The following PTPRM variants were observed in gnomAD, a reference collection of about 807,000 sequenced individuals.
PTPRM encodes receptor-type tyrosine-protein phosphatase mu.
Under a neutral mutation model 186.7 loss-of-function variants are expected in PTPRM, and 47 were observed. That is an observed-to-expected ratio of 0.25 (90% CI 0.20 to 0.32). The LOEUF is 0.32. Ranked by LOEUF, PTPRM falls within the 10% of genes least tolerant of loss-of-function variation. The probability of loss-of-function intolerance (pLI) is 1.00; values close to 1 mark genes in which losing one functional copy is unlikely to be tolerated. For synonymous variants in PTPRM, 668 were observed against 674.9 expected, an observed-to-expected ratio of 0.99 and a Z score of 0.16; for missense variants, 1,494 against 1,865.0, an observed-to-expected ratio of 0.80 and a Z score of 3.66.
chr18:7,651,218 T>A (rs112223299), intron 1 of PTPRM, among the ~76,000 whole-genome samples: 97 of 152,240 alleles, frequency 6.4e-4, no homozygotes, highest in African/African-American at 2.3e-3. Flanking sequence ...CCACCGCGCC[T>A]GACCAAGATG....
chr18:8,123,250 G>A (rs1041630251), intron 13 of PTPRM, among the ~76,000 whole-genome samples: 1 of 152,214 alleles, frequency 6.6e-6, no homozygotes, highest in African/African-American at 2.4e-5. Context: ...GTCTAGGCCT[G>A]ATGAAAGCCA....
chr18:8,396,740 A>G (rs1192474182), intron 32 of PTPRM, among the ~76,000 whole-genome samples: 1 of 152,206 alleles, frequency 6.6e-6, no homozygotes, highest in Non-Finnish European at 1.5e-5. Flanking sequence ...GAAATGTAGG[A>G]AAGTTTTGCA....
intron 7 of PTPRM, among the ~76,000 whole-genome samples, chr18:8,069,281 A>G (rs911150618): frequency 1.3e-5 from 2 of 152,188 alleles, no homozygotes; most frequent in African/African-American, 4.8e-5. Context: ...CTCCTCCTTC[A>G]TCATTGCTTT....
chr18:8,222,092 A>C (rs2094159984), intron 14 of PTPRM, among the ~76,000 whole-genome samples: 1 of 152,214 alleles, frequency 6.6e-6, no homozygotes, highest in Non-Finnish European at 1.5e-5. Flanking sequence ...TTGCTCAGTT[A>C]AACTCCATTA....
At chr18:8,199,111 A>G (rs186103414) in intron 14 of PTPRM, among the ~76,000 whole-genome samples, 2 of 152,280 alleles carry the variant, frequency 1.3e-5, no homozygotes, top group Admixed American at 6.5e-5. Flanking sequence ...GATTTTCTTC[A>G]TAATAATAAC....
At chr18:7,842,719 G>T (rs943041425) in intron 2 of PTPRM, among the ~76,000 whole-genome samples, 3 of 151,238 alleles carry the variant, frequency 2.0e-5, no homozygotes, top group South Asian at 2.1e-4. Flanking sequence ...GCTTAATTTG[G>T]ACTTGCCAGC....
intron 22 of PTPRM, among the ~76,000 whole-genome samples, chr18:8,320,986 G>A (rs934977725): frequency 1.3e-5 from 2 of 152,180 alleles, no homozygotes; most frequent in Non-Finnish European, 2.9e-5. Flanking sequence ...GAACAAGGAT[G>A]CATGTCAGAG....
At chr18:8,243,165 G>A (rs1248330960) in intron 14 of PTPRM, among the ~76,000 whole-genome samples, 1 of 152,108 alleles carries the variant, frequency 6.6e-6, no homozygotes, top group South Asian at 2.1e-4. Flanking sequence ...TCTGGCTTTT[G>A]TACAGGTGTC....
intron 13 of PTPRM, among the ~76,000 whole-genome samples, chr18:8,133,021 G>T (rs549715900): frequency 6.6e-6 from 1 of 152,226 alleles, no homozygotes; most frequent in African/African-American, 2.4e-5. Flanking sequence ...GCATTTTGCT[G>T]GTATCTGGTA....
chr18:8,170,194 G>A (rs1224625251), intron 14 of PTPRM, among the ~76,000 whole-genome samples: 1 of 152,118 alleles, frequency 6.6e-6, no homozygotes, highest in African/African-American at 2.4e-5. Flanking sequence ...GACAATACAA[G>A]GACCACACGA....
intron 7 of PTPRM, among the ~76,000 whole-genome samples, chr18:7,973,298 TA>T (rs2054698136): frequency 6.6e-6 from 1 of 152,190 alleles, no homozygotes; most frequent in South Asian, 2.1e-4. Flanking sequence ...AAGACTTTAG[TA>T]GGTGCTGTCA....
At chr18:7,736,067 C>T (rs936825732) in intron 1 of PTPRM, among the ~76,000 whole-genome samples, 6 of 152,068 alleles carry the variant, frequency 3.9e-5, no homozygotes, top group Admixed American at 3.9e-4. Flanking sequence ...TCAGGACCTC[C>T]GAAGGCTGTG....
chr18:8,000,825 A>G (rs2083826507), intron 7 of PTPRM, among the ~76,000 whole-genome samples: 1 of 152,212 alleles, frequency 6.6e-6, no homozygotes, highest in Non-Finnish European at 1.5e-5. Context: ...TCAAGAAAGT[A>G]GCTTTTACAA....
intron 1 of PTPRM, among the ~76,000 whole-genome samples, chr18:7,576,715 T>C (rs1048444170): frequency 3.3e-5 from 5 of 152,208 alleles, no homozygotes; most frequent in Admixed American, 6.5e-5. Context: ...TGGGCTCAAG[T>C]AGTCTTCAGC....
At chr18:8,292,435 G>A (rs373422968) in intron 19 of PTPRM, among the ~76,000 whole-genome samples, 6 of 152,102 alleles carry the variant, frequency 3.9e-5, no homozygotes, top group South Asian at 4.1e-4. Context: ...ATAAAGACTC[G>A]TGGTCTTAAT....
At chr18:7,664,131 G>A (rs983997104) in intron 1 of PTPRM, among the ~76,000 whole-genome samples, 7 of 152,136 alleles carry the variant, frequency 4.6e-5, no homozygotes, top group African/African-American at 1.4e-4. Context: ...TGGGACAGCC[G>A]CAACATCCCA....
At chr18:8,012,695 G>A (rs150678111) in intron 7 of PTPRM, among the ~76,000 whole-genome samples, 1 of 152,200 alleles carries the variant, frequency 6.6e-6, no homozygotes, top group East Asian at 1.9e-4. Flanking sequence ...AAAACAAGGT[G>A]TACCATCTCA....
intron 13 of PTPRM, among the ~76,000 whole-genome samples, chr18:8,138,933 G>A (rs1008875835): frequency 3.3e-5 from 5 of 151,936 alleles, no homozygotes; most frequent in African/African-American, 9.7e-5. Context: ...CTGGACATCC[G>A]CCTCCATGTG....
intron 2 of PTPRM, among the ~76,000 whole-genome samples, chr18:7,870,468 C>T (rs1365116356): frequency 2.6e-5 from 4 of 152,152 alleles, no homozygotes; most frequent in African/African-American, 7.2e-5. Flanking sequence ...TGGTTGAGTA[C>T]AGGCTGTGAG....
Sources: allele counts gnomAD v4.1 joint callset (sites outside exome capture counted in the v4.1 genomes callset), GRCh38; gene constraint gnomAD v4.1.1; transcripts MANE v1.5; gene names NCBI Gene and HGNC (gene_info 2026-07-23, HGNC 2026-07-21).